The following SYT12 variants were observed in gnomAD, a reference collection of about 807,000 sequenced individuals.
SYT12 encodes the protein synaptotagmin 12, also known as synaptotagmin-12.
SYT12 carries 27 observed loss-of-function variants against 39.5 expected under a neutral mutation model. That is an observed-to-expected ratio of 0.68 (90% CI 0.50 to 0.94). SYT12 has a LOEUF of 0.94. Among genes scored for constraint, SYT12 ranks in the 40% least tolerant of loss-of-function variants. SYT12 has a pLI of 0.00. For missense variants in SYT12, 536 were observed against 572.6 expected (o/e 0.94, Z 0.65); for synonymous variants, 233 against 239.7 (o/e 0.97, Z 0.26).
rs368528977 is a variant in SYT12 at position 67,043,872 on chromosome 11, C to G, written c.837+19C>G. 1.2e-6 allele frequency: 2 copies of G among 1,611,064 alleles called. No individual in the cohort carries two copies. Among genetic ancestry groups the G allele is most frequent in the African/African-American group, 2.7e-5 (2 of 74,980 alleles). ...GAACAAGGTAAGTGACTTGCCTGCT[C>G]GTCCACCTCGGAAGAGCGTGCACAC... On this transcript the variant is annotated intron_variant, in intron 5 of 7. Coordinates refer to ENST00000527043, the MANE Select transcript of SYT12 (RefSeq NM_177963.4).
At chr11:67,046,857 G>A (rs899273395) in intron 7 of SYT12, among the ~76,000 whole-genome samples, 1 of 152,202 alleles carries the variant, frequency 6.6e-6, no homozygotes, top group African/African-American at 2.4e-5. Flanking sequence ...AGTGCAACGT[G>A]GTGATATTAG....
chr11:67,015,110 T>G lies in SYT12; in HGVS notation c.-69+4116T>G, dbSNP rs1352491390. Among the ~76,000 whole-genome samples the G allele has an allele frequency of 2.6e-5, 4 of 152,218 alleles. No homozygotes were observed. The East Asian group carries it at 7.7e-4, about 29-fold the overall frequency. ...AATTCGGTCTCTCTGGCCCCTTACT[T>G]TCCCACAACAATGGGAGATCCCTGC... On this transcript the variant is annotated intron_variant, in intron 3 of 10. Transcript: ENST00000393946.
chr11:67,015,151 G>A (rs113821217), intron 3 of SYT12, among the ~76,000 whole-genome samples: 8 of 152,240 alleles, frequency 5.3e-5, no homozygotes, highest in South Asian at 2.1e-4. Context: ...ATCCAGAGCC[G>A]CGGCTCCTTC....
intron 3 of SYT12, among the ~76,000 whole-genome samples, chr11:67,037,960 G>C (rs1424689278): frequency 1.3e-5 from 2 of 150,774 alleles, no homozygotes; most frequent in East Asian, 3.9e-4. Flanking sequence ...GAGAGTGAGG[G>C]GGGAGGATCG....
chr11:67,019,158 C>T (rs547871087), upstream of SYT12, among the ~76,000 whole-genome samples: 13 of 151,864 alleles, frequency 8.6e-5, no homozygotes, highest in East Asian at 3.9e-4. Flanking sequence ...GAGAGCCAAG[C>T]GAAAGGGGTT....
chr11:67,007,727 G>A (rs1949982476), intron 1 of SYT12, among the ~76,000 whole-genome samples: 1 of 151,546 alleles, frequency 6.6e-6, no homozygotes, highest in South Asian at 2.1e-4. Flanking sequence ...ACCATGCCCA[G>A]CTAATTTTGT....
intron 7 of SYT12, among the ~76,000 whole-genome samples, chr11:67,046,929 C>G (rs1455462811): frequency 6.6e-6 from 1 of 152,180 alleles, no homozygotes; most frequent in East Asian, 1.9e-4. Flanking sequence ...ACACAGTTCA[C>G]TCTTTTTGTT....
intron 3 of SYT12, among the ~76,000 whole-genome samples, chr11:67,035,445 T>C (rs1311333075): frequency 2.0e-5 from 3 of 147,324 alleles, no homozygotes; most frequent in African/African-American, 7.9e-5. Flanking sequence ...CTTTTTCTTT[T>C]TCTTTTTCTT....
rs898283450 is a variant in SYT12 at position 67,043,859 on chromosome 11, T to G, written c.837+6T>G. On this transcript the variant is annotated splice_donor_region_variant and intron_variant, in intron 5 of 7. Coordinates refer to ENST00000527043, the MANE Select transcript of SYT12 (RefSeq NM_177963.4). ...ATTTACAGGACCAGAACAAGGTAAG[T>G]GACTTGCCTGCTCGTCCACCTCGGA... is the stretch of plus-strand genomic sequence containing the variant. The G allele has an allele frequency of 1.2e-6, 2 of 1,613,790 alleles. No individual in the cohort carries two copies. The highest frequency in any genetic ancestry group is 3.3e-4 in the Middle Eastern group (2 of 6,054).
intron 3 of SYT12, among the ~76,000 whole-genome samples, chr11:67,014,524 C>T (rs1348271155): frequency 6.6e-6 from 1 of 152,206 alleles, no homozygotes; most frequent in East Asian, 1.9e-4. Context: ...CGGCTCCTGC[C>T]GGGCTGCCCT....
At chr11:67,019,460 G>A (rs536822488), upstream of SYT12, among the ~76,000 whole-genome samples, 1,363 of 146,022 alleles carry the variant, frequency 9.3e-3, 9 homozygotes, top group Non-Finnish European at 0.012. Context: ...CAACAAGAGC[G>A]AAACTCCACC....
intron 7 of SYT12, among the ~76,000 whole-genome samples, chr11:67,047,095 G>A (rs1358923239): frequency 1.3e-5 from 2 of 151,906 alleles, no homozygotes; most frequent in Non-Finnish European, 2.9e-5. Context: ...TTCCTGAGTA[G>A]CTGGGATTAC....
upstream of SYT12, among the ~76,000 whole-genome samples, chr11:67,019,109 C>T (rs1281041334): frequency 1.4e-5 from 2 of 146,964 alleles, no homozygotes; most frequent in East Asian, 2.0e-4. Context: ...TGGCAGAAGG[C>T]GAAAAGCACA....
chr11:67,018,544 C>T (rs937226535), upstream of SYT12, among the ~76,000 whole-genome samples: 13 of 151,838 alleles, frequency 8.6e-5, no homozygotes, highest in South Asian at 2.1e-4. Context: ...AAAAAGAGGC[C>T]GGGCGCGGTG....
At chr11:67,033,299 G>A (rs1950304815) in intron 2 of SYT12, among the ~76,000 whole-genome samples, 1 of 152,108 alleles carries the variant, frequency 6.6e-6, no homozygotes, top group Non-Finnish European at 1.5e-5. Flanking sequence ...AGGCCTTCCT[G>A]GGCTGCTCCC....
At chr11:67,048,531 G>A in intron 7 of SYT12, 53 bp from the exon 8 acceptor site, 1 of 1,566,844 alleles carries the variant, frequency 6.4e-7, no homozygotes, top group Non-Finnish European at 8.7e-7. Context: ...CAGAGGCCAA[G>A]AAGTACCTCT....
At position 67,048,013 on chromosome 11, in the gene SYT12, G is replaced by A. The variant is rs559334200; in HGVS notation, c.1093-571G>A. On this transcript the variant is annotated intron_variant, in intron 7 of 7. Coordinates refer to ENST00000527043, the MANE Select transcript of SYT12 (RefSeq NM_177963.4). ...TCACCATGTTAGCCAGGATGGTCTC[G>A]ACCTCCTGACCTCATGATCCGCCCG... 1.8e-3 allele frequency among the ~76,000 whole-genome samples: 268 copies of A among 147,848 alleles called. 1 individual carries two copies. The highest frequency in any genetic ancestry group is 6.6e-3 in the African/African-American group (265 of 40,316).
intron 7 of SYT12, among the ~76,000 whole-genome samples, chr11:67,046,531 A>T (rs907003163): frequency 6.6e-6 from 1 of 152,092 alleles, no homozygotes; most frequent in African/African-American, 2.4e-5. Context: ...AACCCGCCTA[A>T]TCTCCCCCAA....
At chr11:67,046,408 G>T (rs1213227707) in intron 7 of SYT12, among the ~76,000 whole-genome samples, 1 of 152,172 alleles carries the variant, frequency 6.6e-6, no homozygotes, top group Non-Finnish European at 1.5e-5. Flanking sequence ...TCGGAGGATG[G>T]GGCTCGCACC....
Sources: allele counts gnomAD v4.1 joint callset (sites outside exome capture counted in the v4.1 genomes callset), GRCh38; gene constraint gnomAD v4.1.1; transcripts MANE v1.5; gene names NCBI Gene and HGNC (gene_info 2026-07-23, HGNC 2026-07-21).